The following USP53 variants were observed in gnomAD, a reference collection of about 807,000 sequenced individuals.
USP53 encodes ubiquitin specific peptidase 53, also known as ubiquitin carboxyl-terminal hydrolase 53.
In USP53, 71 loss-of-function variants were observed where a neutral mutation model predicts 94.9. That is an observed-to-expected ratio of 0.75 (90% CI 0.62 to 0.91). USP53 has a LOEUF of 0.91. Among genes scored for constraint, USP53 ranks in the 40% least tolerant of loss-of-function variants. The pLI, the probability that USP53 is intolerant of heterozygous loss-of-function variation, is 0.00. For synonymous variants in USP53, 375 were observed against 422.7 expected (o/e 0.89, Z 1.39); for missense variants, 1,173 against 1,281.0 (o/e 0.92, Z 1.29).
In USP53 at chr4:119,239,836, T is replaced by C; in HGVS notation, c.77T>C (p.Leu26Pro). The C allele has an allele frequency of 6.8e-6, 11 of 1,613,094 alleles. No homozygotes were observed. The highest frequency in any genetic ancestry group is 8.5e-6 in the Non-Finnish European group (10 of 1,179,488). ...KVYQPGSMLS[L>P]APTKGLLNEP... Reference sequence around the variant, plus strand: ...TATCAGCCTGGAAGTATGCTATCACTAGCCCCTACCAAAGGCTTGTTAAAT... The same window carrying C: ...TATCAGCCTGGAAGTATGCTATCACCAGCCCCTACCAAAGGCTTGTTAAAT... Residue 26 changes from leucine (L) to proline (P), a missense_variant, in exon 5 of 19, where the codon CTA becomes CCA. Transcript: ENST00000692078.
intron 7 of USP53, among the ~76,000 whole-genome samples, chr4:119,254,949 GT>G (rs1749551960): frequency 6.6e-6 from 1 of 152,180 alleles, no homozygotes; most frequent in African/African-American, 2.4e-5. Flanking sequence ...ATTCCTTTCT[GT>G]TTGTTAGTTT....
chr4:119,261,565 A>T (rs1163584189), intron 11 of USP53, 150 bp from the exon 12 acceptor site: 1 of 518,892 alleles, frequency 1.9e-6, no homozygotes, highest in African/African-American at 2.0e-5. Context: ...ATGTGATGTC[A>T]GTGGTGCCTT....
rs1356030185 is a variant in USP53, at chr4:119,293,782, T to G, written c.*571T>G. On this transcript the variant is annotated 3_prime_UTR_variant, in exon 19 of 19. Transcript: ENST00000692078. Reference sequence around the variant, plus strand: ...CAGAAAAGGGCTTCACCCATTTGTTTTTGACTTCTATGATAGTCACTGCAT... The same window carrying G: ...CAGAAAAGGGCTTCACCCATTTGTTGTTGACTTCTATGATAGTCACTGCAT... The G allele has an allele frequency of 6.6e-6, 1 of 152,158 alleles. No individual in the cohort carries two copies. Among genetic ancestry groups the G allele is most frequent in the Non-Finnish European group, 1.5e-5 (1 of 68,000 alleles). The allele number at this position is 152,158 out of a possible 1,614,324, so 9.4% of individuals were successfully genotyped here.
chr4:119,286,051 C>T (rs1373763987), intron 17 of USP53, among the ~76,000 whole-genome samples: 1 of 151,736 alleles, frequency 6.6e-6, no homozygotes, highest in African/African-American at 2.4e-5. Flanking sequence ...TAGATTATTA[C>T]TACATATTAA....
intron 3 of USP53, among the ~76,000 whole-genome samples, chr4:119,226,142 A>T (rs1204966050): frequency 3.3e-5 from 5 of 152,248 alleles, no homozygotes; most frequent in Non-Finnish European, 5.9e-5. Context: ...TAAAAGTTTC[A>T]ACAAAGTAGG....
At chr4:119,261,922 A>G in intron 12 of USP53, 58 bp downstream of exon 12, 2 of 1,290,350 alleles carry the variant, frequency 1.5e-6, no homozygotes, top group Non-Finnish European at 2.0e-6. Context: ...TTTGTTAATA[A>G]ATGATATATT....
At chr4:119,232,330 A>G (rs1011625248) in intron 3 of USP53, among the ~76,000 whole-genome samples, 12 of 152,134 alleles carry the variant, frequency 7.9e-5, no homozygotes, top group African/African-American at 2.7e-4. Context: ...ACATTAATCT[A>G]CTATCTATCT....
In USP53 at chr4:119,273,711, A is replaced by G; in HGVS notation, c.2251+3A>G. On this transcript the variant is annotated splice_donor_region_variant and intron_variant, in intron 17 of 18. Transcript: ENST00000692078. The stretch of plus-strand genomic sequence containing the variant: ...TCAGAGCCAACATCACTTAGAAGGT[A>G]AAAAACTTATTTGAATATAATAGTT... 6.2e-7 allele frequency: 1 copy of G among 1,608,020 alleles called. No individual in the cohort carries two copies. Among genetic ancestry groups the G allele is most frequent in the Non-Finnish European group, 8.5e-7 (1 of 1,176,368 alleles).
At position 119,260,665 on chromosome 4, in the gene USP53, A is replaced by AT; in HGVS notation, c.822+16dup. ...TTTATCTTCCTGGGGTATCTTATCT[A>AT]TTTTCATTCCCTTCCCTTTTATTTT... On this transcript the variant is annotated intron_variant, in intron 11 of 18. Transcript: ENST00000692078. The AT allele has an allele frequency of 1.2e-6, 2 of 1,609,212 alleles. No individual in the cohort carries two copies. The highest frequency in any genetic ancestry group is 1.7e-6 in the Non-Finnish European group (2 of 1,177,780).
rs1013031488 is a variant in USP53 at position 119,212,741 on chromosome 4, A to G, written c.-1074A>G. On this transcript the variant is annotated 5_prime_UTR_variant, in exon 1 of 19. Coordinates refer to ENST00000692078, the MANE Select transcript of USP53 (RefSeq NM_001371395.1). ...TCCCGGTGAGCCTCGGTACTGTGGCAGCAGTCAGTGTGTCTGGCGGGTGTC... is the reference window on the plus strand; with the variant it reads ...TCCCGGTGAGCCTCGGTACTGTGGCGGCAGTCAGTGTGTCTGGCGGGTGTC... 2 of 329,726 alleles carry G rather than the reference A, an allele frequency of 6.1e-6. No homozygotes were observed. The highest frequency in any genetic ancestry group is 4.8e-5 in the South Asian group (2 of 41,670). 20.4% of individuals were successfully genotyped at this position (329,726 alleles called of 1,614,324 possible). A position where few individuals can be genotyped will look rare whatever the true frequency, so the allele number is the denominator to read the frequency against.
In USP53 at chr4:119,246,636, T is replaced by G. The variant is rs538364628; in HGVS notation, c.237+1207T>G. On this transcript the variant is annotated intron_variant, in intron 6 of 18. Transcript: ENST00000692078. ...GGGGTTTAGATTGTGTAGGGCCTTA[T>G]AGGCCTCTGTAAGGATCGTGGCTTT... Among the ~76,000 whole-genome samples the G allele has an allele frequency of 2.0e-5, 3 of 152,330 alleles. No individual in the cohort carries two copies. The East Asian group carries it at 5.8e-4, about 29-fold the overall frequency.
rs765932127 is a variant in USP53 at position 119,271,309 on chromosome 4, A to G, written c.1449A>G (p.Glu483=). ...DLGRHRDLVD[E]DLSHFQSGSP... is the part of the protein sequence containing the mutation. Reference sequence around the variant, plus strand: ...TTTTTTTTTAAGATTTGGTTGATGAAGACCTTTCACATTTCCAATCTGGAT... The same window carrying G: ...TTTTTTTTTAAGATTTGGTTGATGAGGACCTTTCACATTTCCAATCTGGAT... The change falls in exon 16 of 19, where the codon GAA becomes GAG. Residue 483 remains glutamate, a synonymous_variant. Coordinates refer to ENST00000692078, the MANE Select transcript of USP53 (RefSeq NM_001371395.1). 1 of 1,556,044 alleles carries G rather than the reference A, an allele frequency of 6.4e-7. No homozygotes were observed. The highest frequency in any genetic ancestry group is 8.6e-7 in the Non-Finnish European group (1 of 1,156,866).
Position 119,261,785 on chromosome 4 carries a change from C to A in USP53, c.893C>A (p.Thr298Asn). The change falls in exon 12 of 19, where the codon ACC becomes AAC. Residue 298 changes from threonine (T) to asparagine (N), a missense_variant. Physicochemically the swap from Thr to Asn is moderately conservative, Grantham distance 65. Transcript: ENST00000692078. ...AACCTTGTTGGTATGATCTGCTACACCAGCCAACATTATTGTGCCTTTGCA... is the reference window on the plus strand; with the variant it reads ...AACCTTGTTGGTATGATCTGCTACAACAGCCAACATTATTGTGCCTTTGCA... Reference protein sequence around the residue: ...ELNLVGMICYTSQHYCAFAFH... With the variant: ...ELNLVGMICYNSQHYCAFAFH... 2 of 1,539,100 alleles carry A rather than the reference C, an allele frequency of 1.3e-6. No individual in the cohort carries two copies. The highest frequency in any genetic ancestry group is 1.2e-5 in the South Asian group (1 of 80,802).
At chr4:119,283,982 G>A (rs1337911666) in intron 17 of USP53, among the ~76,000 whole-genome samples, 2 of 151,902 alleles carry the variant, frequency 1.3e-5, no homozygotes, top group Non-Finnish European at 2.9e-5. Flanking sequence ...TGCTGAGGAA[G>A]AGAAGTGAGC....
At chr4:119,275,829 G>T (rs1449131997) in intron 17 of USP53, among the ~76,000 whole-genome samples, 2 of 152,004 alleles carry the variant, frequency 1.3e-5, no homozygotes, top group Non-Finnish European at 2.9e-5. Context: ...TTGTAAGTTG[G>T]ATTCCTAGGT....
chr4:119,286,481 A>G (rs532537708), intron 17 of USP53, among the ~76,000 whole-genome samples: 1 of 152,098 alleles, frequency 6.6e-6, no homozygotes, highest in South Asian at 2.1e-4. Flanking sequence ...GAAAAATAAC[A>G]TATCTATTTT....
intron 7 of USP53, 55 bp downstream of exon 7, chr4:119,248,937 A>G: frequency 6.2e-7 from 1 of 1,603,414 alleles, no homozygotes; most frequent in Non-Finnish European, 8.5e-7. Flanking sequence ...CATTCCTTAG[A>G]TGGTACAAGT....
At chr4:119,260,430 A>C in intron 10 of USP53, 77 bp from the exon 11 acceptor site, 1 of 1,305,078 alleles carries the variant, frequency 7.7e-7, no homozygotes. Context: ...TAAAATTGTC[A>C]TTATATAATG....
chr4:119,263,136 T>C (rs1455673678), intron 12 of USP53, among the ~76,000 whole-genome samples: 1 of 152,202 alleles, frequency 6.6e-6, no homozygotes, highest in Non-Finnish European at 1.5e-5. Flanking sequence ...ATTCAAATGT[T>C]TGGTATTTAG....
Sources: allele counts gnomAD v4.1 joint callset (sites outside exome capture counted in the v4.1 genomes callset), GRCh38; gene constraint gnomAD v4.1.1; transcripts MANE v1.5; gene names NCBI Gene and HGNC (gene_info 2026-07-23, HGNC 2026-07-21).